CSMD1: variants seen among roughly 807,000 people sequenced by gnomAD.
The protein encoded by CSMD1 is CUB and Sushi multiple domains 1, also known as CUB and sushi domain-containing protein 1.
A neutral mutation model predicts 417.5 loss-of-function variants in CSMD1; 213 were observed. The ratio of observed to expected loss-of-function variants is 0.51; its 90% confidence interval spans 0.46 to 0.57. CSMD1 has a LOEUF of 0.57. Among genes scored for constraint, CSMD1 ranks in the 20% least tolerant of loss-of-function variants. The probability of loss-of-function intolerance (pLI) is 0.00; values close to 1 mark genes in which losing one functional copy is unlikely to be tolerated. For synonymous variants in CSMD1, 2,862 were observed against 1,736.8 expected (o/e 1.65, Z -16.11); for missense variants, 6,923 against 4,529.7 (o/e 1.53, Z -15.17).
intron 11 of CSMD1, among the ~76,000 whole-genome samples, chr8:3,492,447 G>C (rs1300209582): frequency 6.6e-6 from 1 of 152,170 alleles, no homozygotes; most frequent in Non-Finnish European, 1.5e-5. Flanking sequence ...AACACCTGCA[G>C]AACACTTTCC....
intron 1 of CSMD1, among the ~76,000 whole-genome samples, chr8:4,823,428 C>T (rs551681654): frequency 1.6e-4 from 24 of 151,994 alleles, no homozygotes; most frequent in African/African-American, 5.8e-4. Context: ...AGCTACATAA[C>T]CTTAGTTTCC....
At chr8:3,724,485 A>G (rs1802375822) in intron 6 of CSMD1, among the ~76,000 whole-genome samples, 1 of 152,148 alleles carries the variant, frequency 6.6e-6, no homozygotes, top group South Asian at 2.1e-4. Flanking sequence ...TGGTAGCTAT[A>G]TAACCTTTAA....
chr8:4,052,105 A>C (rs1045197174), intron 3 of CSMD1, among the ~76,000 whole-genome samples: 3 of 151,932 alleles, frequency 2.0e-5, no homozygotes, highest in African/African-American at 7.3e-5. Context: ...TATTTTTAAA[A>C]ATAGAGACAG....
chr8:4,060,581 G>C (rs943971701), intron 3 of CSMD1, among the ~76,000 whole-genome samples: 1 of 152,176 alleles, frequency 6.6e-6, no homozygotes, highest in South Asian at 2.1e-4. Flanking sequence ...TCCAGGGGAA[G>C]GTCATTCTGG....
chr8:3,606,577 G>A (rs965876851), intron 8 of CSMD1, among the ~76,000 whole-genome samples: 1 of 152,072 alleles, frequency 6.6e-6, no homozygotes, highest in Non-Finnish European at 1.5e-5. Context: ...GTGAATGTGA[G>A]GGCCTAGGAC....
At chr8:3,384,719 TAATATTTATATATATTATATA>T (rs1460729798) in intron 18 of CSMD1, among the ~76,000 whole-genome samples, 2,368 of 61,236 alleles carry the variant, frequency 0.039, 35 homozygotes, top group African/African-American at 0.081. Context: ...AATATATTTA[TAATATTTATATATATTATATA>T]AATATATATT....
intron 2 of CSMD1, among the ~76,000 whole-genome samples, chr8:4,472,300 A>C (rs1213995062): frequency 6.6e-6 from 1 of 152,078 alleles, no homozygotes; most frequent in African/African-American, 2.4e-5. Context: ...GTAAAGCTCT[A>C]ATTTTTACTT....
intron 3 of CSMD1, among the ~76,000 whole-genome samples, chr8:4,233,976 G>C (rs982668418): frequency 2.0e-5 from 3 of 151,888 alleles, no homozygotes; most frequent in Admixed American, 1.3e-4. Context: ...AACGGCGGGG[G>C]GTGGGGGAAC....
intron 3 of CSMD1, among the ~76,000 whole-genome samples, chr8:4,130,241 G>C (rs1033172980): frequency 1.3e-5 from 2 of 152,106 alleles, no homozygotes; most frequent in Non-Finnish European, 2.9e-5. Context: ...TAGTATGTAA[G>C]TTTGGAGAGC....
At chr8:3,247,898 A>G (rs567976435) in intron 26 of CSMD1, among the ~76,000 whole-genome samples, 173 of 152,342 alleles carry the variant, frequency 1.1e-3, no homozygotes, top group African/African-American at 3.9e-3. Context: ...ATGCATTTTC[A>G]TAGTTCCAGA....
chr8:3,977,084 C>T (rs1423105675), intron 5 of CSMD1, among the ~76,000 whole-genome samples: 1 of 151,908 alleles, frequency 6.6e-6, no homozygotes, highest in Non-Finnish European at 1.5e-5. Flanking sequence ...TAGATTTTTG[C>T]TTCTTTCCTT....
chr8:3,507,501 A>G (rs916065467), intron 10 of CSMD1, among the ~76,000 whole-genome samples: 1 of 152,156 alleles, frequency 6.6e-6, no homozygotes, highest in African/African-American at 2.4e-5. Flanking sequence ...ATGATTTATA[A>G]TCCTTTGGGT....
chr8:3,617,271 G>A (rs951383109), intron 7 of CSMD1, among the ~76,000 whole-genome samples: 1 of 152,040 alleles, frequency 6.6e-6, no homozygotes, highest in African/African-American at 2.4e-5. Flanking sequence ...GCTTATCATT[G>A]AACTAAAACC....
chr8:3,577,502 G>C (rs1180001626), intron 9 of CSMD1, among the ~76,000 whole-genome samples: 1 of 151,904 alleles, frequency 6.6e-6, no homozygotes. Context: ...CATCAAAATG[G>C]TCATCTAAAA....
chr8:4,706,249 T>C (rs1283582866), intron 1 of CSMD1, among the ~76,000 whole-genome samples: 1 of 151,996 alleles, frequency 6.6e-6, no homozygotes, highest in Non-Finnish European at 1.5e-5. Flanking sequence ...TCCCACAACA[T>C]ATCTGACCTA....
At chr8:4,496,984 G>A (rs372449065) in intron 2 of CSMD1, among the ~76,000 whole-genome samples, 1 of 152,106 alleles carries the variant, frequency 6.6e-6, no homozygotes, top group Non-Finnish European at 1.5e-5. Context: ...ACGAAAGGGA[G>A]ACAATAAGGC....
At chr8:4,073,403 G>A (rs1277905375) in intron 3 of CSMD1, among the ~76,000 whole-genome samples, 2 of 152,098 alleles carry the variant, frequency 1.3e-5, no homozygotes, top group African/African-American at 4.8e-5. Context: ...AAATTTAGAA[G>A]AAGCTGAGGG....
At chr8:4,836,077 C>T (rs972642841) in intron 1 of CSMD1, among the ~76,000 whole-genome samples, 1 of 152,166 alleles carries the variant, frequency 6.6e-6, no homozygotes, top group Non-Finnish European at 1.5e-5. Context: ...ATTGGACATA[C>T]ACAAGTAATG....
At chr8:3,122,342 C>T (rs1817257709) in intron 41 of CSMD1, among the ~76,000 whole-genome samples, 1 of 152,028 alleles carries the variant, frequency 6.6e-6, no homozygotes, top group African/African-American at 2.4e-5. Context: ...TACATTATAC[C>T]ATGGAACTAC....
Sources: gnomAD v4.1 joint callset for allele counts (sites outside exome capture counted in the v4.1 genomes callset) on GRCh38, gnomAD v4.1.1 for gene constraint, MANE v1.5 for transcripts, NCBI Gene and HGNC (gene_info 2026-07-23, HGNC 2026-07-21) for gene names.